The following CSMD1 variants were observed in gnomAD, a reference collection of about 807,000 sequenced individuals.
CSMD1 encodes the protein CUB and sushi domain-containing protein 1.
CSMD1 carries 213 observed loss-of-function variants against 417.5 expected under a neutral mutation model. The ratio of observed to expected loss-of-function variants is 0.51; its 90% CI spans 0.46 to 0.57. The LOEUF is 0.57. Ranked by LOEUF, CSMD1 falls within the 20% of genes least tolerant of loss-of-function variation. The pLI is 0.00. For synonymous variants in CSMD1, 2,862 were observed against 1,736.8 expected, an observed-to-expected ratio of 1.65 and a Z score of -16.11; for missense variants, 6,923 against 4,529.7, an observed-to-expected ratio of 1.53 and a Z score of -15.17.
chr8:4,823,801 G>T (rs1238916015), intron 1 of CSMD1, among the ~76,000 whole-genome samples: 1 of 151,996 alleles, frequency 6.6e-6, no homozygotes, highest in African/African-American at 2.4e-5. Context: ...ATGGAGTGGT[G>T]AGTAGGGGAG....
At chr8:3,186,356 G>T (rs1821759157) in intron 36 of CSMD1, among the ~76,000 whole-genome samples, 1 of 152,140 alleles carries the variant, frequency 6.6e-6, no homozygotes, top group Non-Finnish European at 1.5e-5. Context: ...TAGCTTTTAA[G>T]GACAGTAATG....
At chr8:4,291,460 G>A (rs1350997072) in intron 3 of CSMD1, among the ~76,000 whole-genome samples, 1 of 152,052 alleles carries the variant, frequency 6.6e-6, no homozygotes, top group Non-Finnish European at 1.5e-5. Flanking sequence ...TAAGAGAGAA[G>A]TATTTTTCTT....
chr8:3,275,558 AG>A (rs764062647), intron 26 of CSMD1, among the ~76,000 whole-genome samples: 41 of 152,284 alleles, frequency 2.7e-4, no homozygotes, highest in Admixed American at 1.2e-3. Context: ...TGTCTCTTTC[AG>A]GTACGACAAT....
intron 5 of CSMD1, among the ~76,000 whole-genome samples, chr8:3,836,990 T>C (rs1802751846): frequency 6.6e-6 from 1 of 152,110 alleles, no homozygotes; most frequent in South Asian, 2.1e-4. Context: ...CTAAGATCCT[T>C]AATTAGCTAC....
At chr8:2,958,994 A>C (rs1384716476) in intron 62 of CSMD1, among the ~76,000 whole-genome samples, 3 of 152,236 alleles carry the variant, frequency 2.0e-5, no homozygotes, top group Non-Finnish European at 4.4e-5. Context: ...GGAAGTATGA[A>C]TTTATAAAGA....
At chr8:3,551,836 G>A (rs1197558520) in intron 10 of CSMD1, among the ~76,000 whole-genome samples, 3 of 152,086 alleles carry the variant, frequency 2.0e-5, no homozygotes, top group Non-Finnish European at 4.4e-5. Context: ...TCTAGACGTG[G>A]CTTTAGCTAC....
At chr8:3,796,934 T>C (rs980771470) in intron 5 of CSMD1, among the ~76,000 whole-genome samples, 1 of 151,744 alleles carries the variant, frequency 6.6e-6, no homozygotes, top group African/African-American at 2.4e-5. Context: ...AAGATTTTGG[T>C]TAATATGTAA....
intron 9 of CSMD1, among the ~76,000 whole-genome samples, chr8:3,576,687 G>C (rs974778842): frequency 1.3e-5 from 2 of 152,118 alleles, no homozygotes; most frequent in Non-Finnish European, 2.9e-5. Context: ...AAGGTCACTG[G>C]ACAAAGGACT....
At chr8:4,027,486 T>C (rs1480279535) in intron 4 of CSMD1, among the ~76,000 whole-genome samples, 3 of 152,120 alleles carry the variant, frequency 2.0e-5, no homozygotes, top group African/African-American at 4.8e-5. Flanking sequence ...TCATGAGATA[T>C]GATGGCTTTA....
chr8:3,127,704 T>G (rs1817580550), intron 41 of CSMD1: 1 of 152,216 alleles, frequency 6.6e-6, no homozygotes, highest in South Asian at 2.1e-4. Context: ...ATAAAAGACA[T>G]TTTTACTTGC....
chr8:4,699,176 C>T (rs1807346655), intron 1 of CSMD1, among the ~76,000 whole-genome samples: 1 of 152,120 alleles, frequency 6.6e-6, no homozygotes, highest in African/African-American at 2.4e-5. Context: ...CACTCTGGAC[C>T]TCTCAAAGCC....
intron 42 of CSMD1, among the ~76,000 whole-genome samples, chr8:3,114,737 G>C (rs1235927195): frequency 6.6e-6 from 1 of 152,084 alleles, no homozygotes; most frequent in Non-Finnish European, 1.5e-5. Context: ...CTATTATTGG[G>C]AAAGATTATT....
intron 2 of CSMD1, among the ~76,000 whole-genome samples, chr8:4,578,285 C>T (rs368120553): frequency 6.8e-5 from 10 of 147,970 alleles, no homozygotes; most frequent in Admixed American, 2.1e-4. Context: ...CTCAGCCTCC[C>T]GAGTAGAGTA....
chr8:3,651,513 G>T lies in CSMD1; in HGVS notation c.1010-34716C>A, dbSNP rs563867927. 2.6e-5 allele frequency among the ~76,000 whole-genome samples: 4 copies of T among 152,128 alleles called. No homozygotes were observed. The East Asian group carries it at 7.7e-4, about 29-fold the overall frequency. On this transcript the variant is annotated intron_variant, in intron 7 of 69. Coordinates refer to ENST00000635120, the MANE Select transcript of CSMD1 (RefSeq NM_033225.6). ...TCCACTTATCTGCATAGCTGGCCTC[G>T]GTTTCTCCAGGTGTCTCCTCCAATG...
At chr8:4,375,553 T>A (rs552366800) in intron 3 of CSMD1, among the ~76,000 whole-genome samples, 4 of 152,274 alleles carry the variant, frequency 2.6e-5, no homozygotes, top group African/African-American at 9.6e-5. Context: ...AGCCCACTTC[T>A]TACTAACATT....
intron 5 of CSMD1, among the ~76,000 whole-genome samples, chr8:3,903,690 A>G (rs1807917809): frequency 6.6e-6 from 1 of 152,166 alleles, no homozygotes; most frequent in African/African-American, 2.4e-5. Flanking sequence ...TGATGTGATT[A>G]CACATCAGAT....
At chr8:4,829,753 A>G (rs528431402) in intron 1 of CSMD1, among the ~76,000 whole-genome samples, 13 of 152,058 alleles carry the variant, frequency 8.5e-5, no homozygotes, top group South Asian at 2.1e-4. Context: ...AAAAAAAAAA[A>G]AAAGAAACTC....
At chr8:4,714,750 T>C (rs1455592145) in intron 1 of CSMD1, among the ~76,000 whole-genome samples, 1 of 152,202 alleles carries the variant, frequency 6.6e-6, no homozygotes, top group Non-Finnish European at 1.5e-5. Context: ...ACTTAAATTT[T>C]GCTGAAATAA....
chr8:3,119,989 A>G (rs369898048), intron 41 of CSMD1, among the ~76,000 whole-genome samples: 223 of 152,338 alleles, frequency 1.5e-3, no homozygotes, highest in African/African-American at 4.9e-3. Context: ...AATGAAGTGA[A>G]ATGGAAATTT....
Sources: gnomAD v4.1 joint callset for allele counts (sites outside exome capture counted in the v4.1 genomes callset) on GRCh38, gnomAD v4.1.1 for gene constraint, MANE v1.5 for transcripts, NCBI Gene and HGNC (gene_info 2026-07-23, HGNC 2026-07-21) for gene names.